Variants in SUCNR1 observed in about 807,000 individuals in gnomAD.
SUCNR1 encodes the protein succinate receptor 1.
A neutral mutation model predicts 2.4 loss-of-function variants in SUCNR1; 5 were observed. The observed-to-expected ratio is 2.07, with a 90% CI of 1.08 to 4.36. The LOEUF is 4.36. SUCNR1 is among the 30% of genes most tolerant of loss of function. SUCNR1 has a pLI of 0.00. For synonymous variants in SUCNR1, 162 were observed against 143.9 expected (o/e 1.13, Z -0.90); for missense variants, 373 against 399.2 (o/e 0.93, Z 0.56).
intron 1 of SUCNR1, among the ~76,000 whole-genome samples, chr3:151,875,376 T>C (rs1717892165): frequency 6.6e-6 from 1 of 152,148 alleles, no homozygotes; most frequent in Non-Finnish European, 1.5e-5. Flanking sequence ...ACTAAAAACA[T>C]ACCCAACTAT....
intron 1 of SUCNR1, among the ~76,000 whole-genome samples, chr3:151,874,146 A>ATATATATTTT (rs1261567808): frequency 1.7e-5 from 1 of 60,210 alleles, no homozygotes; most frequent in Non-Finnish European, 3.0e-5. Context: ...ATATATATAT[A>ATATATATTTT]TTTTTTTTTT....
At chr3:151,876,854 T>C (rs1040301849) in intron 1 of SUCNR1, among the ~76,000 whole-genome samples, 3 of 152,142 alleles carry the variant, frequency 2.0e-5, no homozygotes, top group Admixed American at 6.6e-5. Flanking sequence ...TAGTCAGGTG[T>C]TCATATTCAT....
At chr3:151,877,676 T>C (rs558875031) in intron 1 of SUCNR1, among the ~76,000 whole-genome samples, 1 of 152,258 alleles carries the variant, frequency 6.6e-6, no homozygotes, top group Non-Finnish European at 1.5e-5. Context: ...TTGGTGGATA[T>C]GCTGCAGGCT....
chr3:151,873,865 A>G (rs1414952544), intron 1 of SUCNR1, among the ~76,000 whole-genome samples, 159 bp downstream of exon 1: 1 of 151,872 alleles, frequency 6.6e-6, no homozygotes, highest in East Asian at 1.9e-4. Flanking sequence ...AAAAAAAGTC[A>G]TTTTTATCTC....
intron 1 of SUCNR1, among the ~76,000 whole-genome samples, chr3:151,874,550 TTATG>T (rs1187444853): frequency 6.6e-6 from 1 of 152,090 alleles, no homozygotes; most frequent in Non-Finnish European, 1.5e-5. Flanking sequence ...AATTTAACAT[TTATG>T]TGTGTAAAAA....
chr3:151,875,426 G>A (rs984199497), intron 1 of SUCNR1, among the ~76,000 whole-genome samples: 3 of 151,964 alleles, frequency 2.0e-5, no homozygotes, highest in East Asian at 3.9e-4. Context: ...TCAAAATTTT[G>A]TATCCTAGTG....
rs1559855906 is a variant in SUCNR1, at chr3:151,874,136, ATATATATATATT to A, written c.-42+432_-42+443del. Among the ~76,000 whole-genome samples the A allele has an allele frequency of 2.9e-3, 172 of 58,636 alleles. 2 individuals are homozygous for A. Among genetic ancestry groups the A allele is most frequent in the African/African-American group, 0.011 (166 of 15,330 alleles). The allele number at this position is 58,636 out of a possible 152,430, so 38.5% of individuals were successfully genotyped here. The stretch of plus-strand genomic sequence containing the variant: ...CACACATATACATACATATATATAT[ATATATATATATT>A]TTTTTTTTTTTTTTTTTTTTTTAAG... On this transcript the variant is annotated intron_variant, in intron 1 of 2. Coordinates refer to ENST00000362032, the MANE Select transcript of SUCNR1 (RefSeq NM_033050.6).
At chr3:151,879,231 G>A (rs2108066515) in intron 1 of SUCNR1, among the ~76,000 whole-genome samples, 1 of 152,270 alleles carries the variant, frequency 6.6e-6, no homozygotes, top group African/African-American at 2.4e-5. Context: ...AGACTCTTGA[G>A]GTTTGAGTGA....
intron 1 of SUCNR1, among the ~76,000 whole-genome samples, chr3:151,878,823 AAC>A (rs1717999154): frequency 6.6e-6 from 1 of 152,222 alleles, no homozygotes; most frequent in Admixed American, 6.5e-5. Flanking sequence ...TCATAAATAA[AAC>A]ACTCTCAAAA....
chr3:151,882,190 G>A lies in SUCNR1; in HGVS notation c.*642G>A, dbSNP rs1342630001. 1 of 152,052 alleles carries A rather than the reference G, an allele frequency of 6.6e-6. No individual in the cohort carries two copies. The highest frequency in any genetic ancestry group is 1.5e-5 in the Non-Finnish European group (1 of 67,988). The allele number at this position is 152,052 out of a possible 1,614,324, so 9.4% of individuals were successfully genotyped here. A position where few individuals can be genotyped will look rare whatever the true frequency, so the allele number is the denominator to read the frequency against. Reference sequence around the variant, plus strand: ...CTGAAGAGATAATTCAACAAAAGTAGAGAATATGTTTGAGCTTGTCAGAGA... The same window carrying A: ...CTGAAGAGATAATTCAACAAAAGTAAAGAATATGTTTGAGCTTGTCAGAGA... On this transcript the variant is annotated 3_prime_UTR_variant, in exon 3 of 3. Transcript: ENST00000362032.
chr3:151,881,422 C>G lies in SUCNR1; in HGVS notation c.879C>G (p.Val293=). ...TTCTGAACAGTGTCATCAACCCTGT[C>G]TTCTATTTTCTTTTGGGAGATCACT... is the stretch of plus-strand genomic sequence containing the variant. ...LAFLNSVINP[V]FYFLLGDHFR... is the part of the protein sequence containing the mutation. The change falls in exon 3 of 3, where the codon GTC becomes GTG. Residue 293 remains valine (V), a synonymous_variant. Transcript: ENST00000362032. The G allele has an allele frequency of 6.2e-7, 1 of 1,614,166 alleles. No homozygotes were observed. The highest frequency in any genetic ancestry group is 8.5e-7 in the Non-Finnish European group (1 of 1,180,034).
chr3:151,877,404 A>C (rs1717956264), intron 1 of SUCNR1, among the ~76,000 whole-genome samples: 1 of 152,182 alleles, frequency 6.6e-6, no homozygotes, highest in Non-Finnish European at 1.5e-5. Flanking sequence ...AATGGTAAAG[A>C]TGAACTGATG....
At position 151,873,988 on chromosome 3, in the gene SUCNR1, C is replaced by A. The variant is rs1379378434; in HGVS notation, c.-42+282C>A. 3.3e-5 allele frequency among the ~76,000 whole-genome samples: 5 copies of A among 149,738 alleles called. No individual in the cohort carries two copies. In the East Asian group the frequency reaches 7.8e-4, roughly 23 times the overall value. ...AACATCTCAACAACTTATATTTCAACAAAATAGTAATTGGATTTACCTAAA... is the reference window on the plus strand; with the variant it reads ...AACATCTCAACAACTTATATTTCAAAAAAATAGTAATTGGATTTACCTAAA... On this transcript the variant is annotated intron_variant, in intron 1 of 2. Transcript: ENST00000362032.
At chr3:151,879,465 C>T (rs556654887) in intron 1 of SUCNR1, among the ~76,000 whole-genome samples, 32 of 152,206 alleles carry the variant, frequency 2.1e-4, no homozygotes, top group African/African-American at 6.0e-4. Flanking sequence ...AGAAGATTAA[C>T]GGAGCTGCCT....
At chr3:151,880,067 TATAG>T (rs768104856) in intron 2 of SUCNR1, among the ~76,000 whole-genome samples, 160 bp downstream of exon 2, 65 of 152,324 alleles carry the variant, frequency 4.3e-4, no homozygotes, top group Middle Eastern at 3.4e-3. Flanking sequence ...TTCCTGCAAA[TATAG>T]ATATGTCTCT....
intron 2 of SUCNR1, among the ~76,000 whole-genome samples, chr3:151,880,273 T>C (rs1347879615): frequency 6.6e-6 from 1 of 152,226 alleles, no homozygotes; most frequent in East Asian, 1.9e-4. Context: ...CTGATTATTC[T>C]TCCCAAGAGA....
intron 1 of SUCNR1, among the ~76,000 whole-genome samples, chr3:151,874,799 T>C (rs1486352698): frequency 2.6e-5 from 4 of 152,068 alleles, no homozygotes; most frequent in African/African-American, 9.6e-5. Context: ...ATATATATTT[T>C]TGCTCAAATT....
At position 151,881,251 on chromosome 3, in the gene SUCNR1, G is replaced by T; in HGVS notation, c.708G>T (p.Met236Ile). 2 of 1,614,152 alleles carry T rather than the reference G, an allele frequency of 1.2e-6. No homozygotes were observed. Among genetic ancestry groups the T allele is most frequent in the Non-Finnish European group, 1.7e-6 (2 of 1,180,018 alleles). The change falls in exon 3 of 3, where the codon ATG (methionine) becomes ATT (isoleucine). Residue 236 changes from methionine (M) to isoleucine (I), a missense_variant. Met to Ile is a conservative substitution (Grantham distance 10). This residue lies in a region of SUCNR1 where 157 missense variants were observed against 178.7 expected (regional missense o/e 0.88). Transcript: ENST00000362032. The part of the protein sequence containing the change: ...PLEKPLNLVI[M>I]AVVIFSVLFT... ...AAAAGCCTCTCAACTTGGTCATCATGGCAGTGGTAATCTTCTCTGTGCTTT... is the reference window on the plus strand; with the variant it reads ...AAAAGCCTCTCAACTTGGTCATCATTGCAGTGGTAATCTTCTCTGTGCTTT...
intron 1 of SUCNR1, among the ~76,000 whole-genome samples, chr3:151,874,326 C>A (rs1461487907): frequency 6.7e-6 from 1 of 150,292 alleles, no homozygotes; most frequent in Non-Finnish European, 1.5e-5. Flanking sequence ...AAGCGCCCAC[C>A]ACCACGCCCG....
Sources: gnomAD v4.1 joint callset for allele counts (sites outside exome capture counted in the v4.1 genomes callset) on GRCh38, gnomAD v4.1.1 for gene constraint, gnomAD v4.1.1 regional missense constraint, MANE v1.5 for transcripts, NCBI Gene and HGNC (gene_info 2026-07-23, HGNC 2026-07-21) for gene names.